Variants in ATP13A4 observed in about 807,000 individuals in gnomAD.
The protein encoded by ATP13A4 is ATPase 13A4.
ATP13A4 carries 114 observed loss-of-function variants against 142.5 expected under a neutral mutation model. The ratio of observed to expected loss-of-function variants is 0.80; its 90% CI spans 0.69 to 0.93. The LOEUF (loss-of-function observed/expected upper bound fraction) is 0.93. Among genes scored for constraint, ATP13A4 ranks in the 40% least tolerant of loss-of-function variants. The pLI is 0.00. For synonymous variants in ATP13A4, 488 were observed against 514.8 expected (o/e 0.95, Z 0.70); for missense variants, 1,392 against 1,454.0 (o/e 0.96, Z 0.69).
chr3:193,490,138 C>T (rs1327470709), intron 6 of ATP13A4, among the ~76,000 whole-genome samples: 1 of 152,158 alleles, frequency 6.6e-6, no homozygotes, highest in African/African-American at 2.4e-5. Flanking sequence ...TTGAGAAATA[C>T]GTCCAAAGTC....
intron 25 of ATP13A4, 38 bp downstream of exon 25, chr3:193,433,807 G>A: frequency 6.7e-7 from 1 of 1,497,284 alleles, no homozygotes; most frequent in Non-Finnish European, 9.3e-7. Context: ...GGCAGCTGAG[G>A]GTAGCACCTC....
intron 2 of ATP13A4, among the ~76,000 whole-genome samples, chr3:193,571,541 A>C (rs1207126131): frequency 1.3e-5 from 2 of 152,138 alleles, no homozygotes; most frequent in Non-Finnish European, 2.9e-5. Flanking sequence ...CAGTCAGGTG[A>C]TGAAGGTTAA....
intron 8 of ATP13A4, among the ~76,000 whole-genome samples, chr3:193,481,367 T>C (rs1461014423): frequency 6.6e-6 from 1 of 152,206 alleles, no homozygotes; most frequent in Non-Finnish European, 1.5e-5. Flanking sequence ...CATATGTATA[T>C]AATATAAACA....
intron 2 of ATP13A4, among the ~76,000 whole-genome samples, chr3:193,560,900 C>T (rs1013037973): frequency 6.6e-6 from 1 of 152,204 alleles, no homozygotes; most frequent in Non-Finnish European, 1.5e-5. Context: ...TCCCAACAAG[C>T]AGTTAGAGTC....
intron 25 of ATP13A4, among the ~76,000 whole-genome samples, chr3:193,418,068 G>A (rs1361631985): frequency 8.2e-6 from 1 of 122,090 alleles, no homozygotes; most frequent in Admixed American, 1.0e-4. Flanking sequence ...CTTGCAGTGA[G>A]CCGAGATCCC....
At position 193,541,248 on chromosome 3, in the gene ATP13A4, C is replaced by CAAAAAAA. The variant is rs71179308; in HGVS notation, c.60+13485_60+13491dup. 6.3e-3 allele frequency among the ~76,000 whole-genome samples: 323 copies of CAAAAAAA among 51,268 alleles called. 15 individuals carry two copies. The East Asian group carries it at 0.077, about 12-fold the overall frequency. The allele number at this position is 51,268 out of a possible 152,430, so 33.6% of individuals were successfully genotyped here. On this transcript the variant is annotated intron_variant, in intron 1 of 29. Transcript: ENST00000342695. ...TGGGCGACAGAGCGAGACTCCTTCT[C>CAAAAAAA]AAAAAAAAAAAAAAAAAAAAAATCA...
At chr3:193,581,121 A>C (rs927440908) in intron 2 of ATP13A4, among the ~76,000 whole-genome samples, 1 of 152,234 alleles carries the variant, frequency 6.6e-6, no homozygotes, top group Non-Finnish European at 1.5e-5. Flanking sequence ...GTAAGAGAAA[A>C]GTAAAACAAT....
intron 25 of ATP13A4, among the ~76,000 whole-genome samples, chr3:193,418,261 G>C (rs149250701): frequency 0.046 from 6,710 of 144,968 alleles, 694 homozygotes; most frequent in African/African-American, 0.16. Context: ...AGAGCCTGCA[G>C]TGAGCCGAGA....
At chr3:193,592,989 C>A in intron 1 of ATP13A4, 1 of 239,596 alleles carries the variant, frequency 4.2e-6, no homozygotes. Flanking sequence ...TCCCGCCCAA[C>A]TCTCGCTCCC....
intron 25 of ATP13A4, among the ~76,000 whole-genome samples, chr3:193,432,890 G>A (rs2108616430): frequency 6.6e-6 from 1 of 152,104 alleles, no homozygotes; most frequent in African/African-American, 2.4e-5. Flanking sequence ...ATATAATGAT[G>A]GATACATGTC....
intron 1 of ATP13A4, among the ~76,000 whole-genome samples, chr3:193,589,199 T>C (rs774362818): frequency 2.6e-5 from 4 of 152,002 alleles, no homozygotes; most frequent in Non-Finnish European, 5.9e-5. Context: ...TGTGTGTGTA[T>C]ATAATTTGTG....
At chr3:193,520,051 C>T (rs185674928) in intron 1 of ATP13A4, among the ~76,000 whole-genome samples, 1 of 152,144 alleles carries the variant, frequency 6.6e-6, no homozygotes, top group East Asian at 1.9e-4. Flanking sequence ...TTTCCTCCCA[C>T]GTTGTTTACC....
chr3:193,577,482 C>T (rs768859515), intron 2 of ATP13A4, among the ~76,000 whole-genome samples: 26 of 152,188 alleles, frequency 1.7e-4, no homozygotes, highest in Admixed American at 3.3e-4. Flanking sequence ...AACAATACCA[C>T]GAACCTACTT....
At chr3:193,548,980 T>C (rs1437796969) in intron 1 of ATP13A4, among the ~76,000 whole-genome samples, 1 of 152,174 alleles carries the variant, frequency 6.6e-6, no homozygotes, top group African/African-American at 2.4e-5. Flanking sequence ...CAAAGATGTG[T>C]TCAACTTCAA....
chr3:193,502,673 TA>T, intron 2 of ATP13A4, 34 bp from the exon 3 acceptor site: 1 of 1,602,102 alleles, frequency 6.2e-7, no homozygotes. Flanking sequence ...CCCAAGAAGT[TA>T]AGAGAGGTCA....
At chr3:193,508,342 T>C (rs1283891017) in intron 2 of ATP13A4, among the ~76,000 whole-genome samples, 1 of 152,228 alleles carries the variant, frequency 6.6e-6, no homozygotes. Context: ...ACCTAGAGTT[T>C]ATTCTTAAAC....
chr3:193,530,461 C>T (rs1358234362), intron 1 of ATP13A4, among the ~76,000 whole-genome samples: 2 of 152,176 alleles, frequency 1.3e-5, no homozygotes, highest in African/African-American at 2.4e-5. Context: ...TCTAGACATT[C>T]CCTTTAATAT....
chr3:193,530,780 A>G (rs1156447321), intron 1 of ATP13A4, among the ~76,000 whole-genome samples: 3 of 152,138 alleles, frequency 2.0e-5, no homozygotes. Context: ...ATGTCCAGGA[A>G]CTTCAGGCAA....
chr3:193,514,080 A>T (rs550484844), intron 2 of ATP13A4, among the ~76,000 whole-genome samples: 1 of 152,206 alleles, frequency 6.6e-6, no homozygotes, highest in Non-Finnish European at 1.5e-5. Flanking sequence ...ACCATCCACA[A>T]TTTTTAATTT....
Sources: gnomAD v4.1 joint callset for allele counts (sites outside exome capture counted in the v4.1 genomes callset) on GRCh38, gnomAD v4.1.1 for gene constraint, MANE v1.5 for transcripts, NCBI Gene and HGNC (gene_info 2026-07-23, HGNC 2026-07-21) for gene names.